LRRK1: variants seen among roughly 807,000 people sequenced by gnomAD.
The protein encoded by LRRK1 is leucine rich repeat kinase 1.
In LRRK1, 113 loss-of-function variants were observed where a neutral mutation model predicts 209.1. That is an observed-to-expected ratio of 0.54 (90% CI 0.46 to 0.63). LRRK1 has a LOEUF of 0.63. Among genes scored for constraint, LRRK1 ranks in the 30% least tolerant of loss-of-function variants. LRRK1 has a pLI of 0.00. For synonymous variants in LRRK1, 1,144 were observed against 1,099.7 expected (o/e 1.04, Z -0.80); for missense variants, 2,284 against 2,632.2 (o/e 0.87, Z 2.89).
chr15:101,040,094 T>C (rs1336858119), intron 20 of LRRK1, among the ~76,000 whole-genome samples: 1 of 152,172 alleles, frequency 6.6e-6, no homozygotes, highest in East Asian at 1.9e-4. Flanking sequence ...ATTGAAAAGA[T>C]TTTTTTCCTT....
chr15:101,046,242 G>A, intron 21 of LRRK1, 90 bp downstream of exon 21: 5 of 1,373,960 alleles, frequency 3.6e-6, no homozygotes, highest in Non-Finnish European at 5.0e-6. Flanking sequence ...TTGCTGGGGG[G>A]CCCTGCCTGG....
At chr15:100,954,053 C>A (rs570637685) in intron 2 of LRRK1, among the ~76,000 whole-genome samples, 10 of 152,122 alleles carry the variant, frequency 6.6e-5, no homozygotes, top group African/African-American at 2.4e-4. Context: ...GTACCTGGGT[C>A]TACAGGCACA....
intron 2 of LRRK1, among the ~76,000 whole-genome samples, chr15:100,937,844 C>T (rs1015147459): frequency 6.6e-6 from 1 of 151,140 alleles, no homozygotes; most frequent in African/African-American, 2.4e-5. Context: ...CTATTTATTT[C>T]TTTATTTATT....
In LRRK1 at chr15:101,071,732, A is replaced by T. The variant is rs1255184620; in HGVS notation, c.*2884A>T. 1 of 152,190 alleles carries T rather than the reference A, an allele frequency of 6.6e-6. No homozygotes were observed. The highest frequency in any genetic ancestry group is 1.5e-5 in the Non-Finnish European group (1 of 68,036). The allele number at this position is 152,190 out of a possible 1,614,324, so 9.4% of individuals were successfully genotyped here. On this transcript the variant is annotated 3_prime_UTR_variant, in exon 34 of 34. Transcript: ENST00000388948. ...AGCTCACTCCTCATAGGTAGAGTTG[A>T]CAATAAGCACACAAACAAGTGAGAT...
chr15:101,040,106 T>C (rs576221936), intron 20 of LRRK1, among the ~76,000 whole-genome samples: 34 of 152,304 alleles, frequency 2.2e-4, no homozygotes, highest in African/African-American at 7.9e-4. Flanking sequence ...TTTTTCCTTC[T>C]CTATTTTCTT....
chr15:100,988,075 C>T lies in LRRK1; in HGVS notation c.434-559C>T, dbSNP rs141509832. Among the ~76,000 whole-genome samples, 6 of 152,266 alleles carry T rather than the reference C, an allele frequency of 3.9e-5. No homozygotes were observed. In the East Asian group the frequency reaches 1.2e-3, roughly 29 times the overall value. On this transcript the variant is annotated intron_variant, in intron 4 of 33. Transcript: ENST00000388948. ...TCATATGCAATTCAGAGAGACTATT[C>T]CAGAAAACACTATCAACTCAACAGA...
chr15:101,049,952 C>G (rs1043317833), intron 23 of LRRK1, among the ~76,000 whole-genome samples, 169 bp downstream of exon 23: 4 of 152,120 alleles, frequency 2.6e-5, no homozygotes, highest in African/African-American at 9.7e-5. Flanking sequence ...AGAAGTCCAG[C>G]TCTGTCACTG....
chr15:101,074,965 T>G lies in LRRK1; in HGVS notation c.*6117T>G, dbSNP rs1309853897. On this transcript the variant is annotated 3_prime_UTR_variant, in exon 34 of 34. Transcript: ENST00000388948. ...AGCCCCTGGAACTCCGGCCCAAGGC[T>G]CTCTGACTGACTCCTTCCCAGATCT... 1 of 142,190 alleles carries G rather than the reference T, an allele frequency of 7.0e-6. No individual in the cohort carries two copies. Among genetic ancestry groups the G allele is most frequent in the African/African-American group, 3.0e-5 (1 of 33,206 alleles). 8.8% of individuals were successfully genotyped at this position (142,190 alleles called of 1,614,324 possible).
At chr15:100,966,235 G>C (rs868228781) in intron 2 of LRRK1, among the ~76,000 whole-genome samples, 1 of 152,176 alleles carries the variant, frequency 6.6e-6, no homozygotes, top group Non-Finnish European at 1.5e-5. Flanking sequence ...TCTAGGAAAA[G>C]GTGCAGAAGT....
chr15:100,973,780 G>A (rs1408966916), intron 2 of LRRK1, 24 bp from the exon 3 acceptor site: 3 of 1,271,434 alleles, frequency 2.4e-6, no homozygotes, highest in Non-Finnish European at 3.0e-6. Flanking sequence ...GTGACGCCGT[G>A]TGTGTGTGCT....
At chr15:100,981,764 A>G (rs987200373) in intron 3 of LRRK1, among the ~76,000 whole-genome samples, 2 of 152,222 alleles carry the variant, frequency 1.3e-5, no homozygotes, top group Non-Finnish European at 2.9e-5. Flanking sequence ...GGCCATGTGA[A>G]TAAAGTACTC....
intron 2 of LRRK1, among the ~76,000 whole-genome samples, chr15:100,936,400 G>A (rs933278297): frequency 6.6e-6 from 1 of 152,128 alleles, no homozygotes; most frequent in African/African-American, 2.4e-5. Flanking sequence ...TTCCCCCTGG[G>A]CTACCATCTA....
At chr15:100,960,403 A>T (rs2029875686) in intron 2 of LRRK1, among the ~76,000 whole-genome samples, 1 of 151,752 alleles carries the variant, frequency 6.6e-6, no homozygotes, top group Non-Finnish European at 1.5e-5. Context: ...AATCACAATC[A>T]TCTTCCCCAA....
chr15:101,077,368 G>A lies in LRRK1; in HGVS notation c.*8520G>A, dbSNP rs1308332589. ...CTTGTTTACACTGCCAGTTTACACT[G>A]TTTCTCCAAGCCATCACAGCTGATA... On this transcript the variant is annotated 3_prime_UTR_variant, in exon 34 of 34. Coordinates refer to ENST00000388948, the MANE Select transcript of LRRK1 (RefSeq NM_024652.6). 2.0e-5 allele frequency: 3 copies of A among 152,162 alleles called. No individual in the cohort carries two copies. The highest frequency in any genetic ancestry group is 4.4e-5 in the Non-Finnish European group (3 of 68,044). 9.4% of individuals were successfully genotyped at this position (152,162 alleles called of 1,614,324 possible). A position where few individuals can be genotyped will look rare whatever the true frequency, so the allele number is the denominator to read the frequency against.
intron 6 of LRRK1, among the ~76,000 whole-genome samples, chr15:100,992,944 A>G (rs1758097702): frequency 6.6e-6 from 1 of 152,196 alleles, no homozygotes; most frequent in Non-Finnish European, 1.5e-5. Flanking sequence ...TACAGGCATG[A>G]GCCACCGTGC....
At chr15:101,052,076 C>A in intron 24 of LRRK1, 116 bp downstream of exon 24, 1 of 1,183,024 alleles carries the variant, frequency 8.5e-7, no homozygotes, top group Non-Finnish European at 1.2e-6. Context: ...GTGCCCCGGC[C>A]ATGGCTTCCC....
At position 101,021,087 on chromosome 15, in the gene LRRK1, G is replaced by A. The variant is rs2033761582; in HGVS notation, c.1644G>A (p.Glu548=). Residue 548 remains glutamate, a synonymous_variant, in exon 13 of 34, where the codon GAG becomes GAA. Transcript: ENST00000388948. ...TGGAATTTCCGGCCTTCCTAAGTGAGTCTTTGGAAGTCCTTTGCCTGAACG... is the reference window on the plus strand; with the variant it reads ...TGGAATTTCCGGCCTTCCTAAGTGAATCTTTGGAAGTCCTTTGCCTGAACG... ...SVLEFPAFLS[E]SLEVLCLNDN... 1 of 1,614,140 alleles carries A rather than the reference G, an allele frequency of 6.2e-7. No individual in the cohort carries two copies. The highest frequency in any genetic ancestry group is 8.5e-7 in the Non-Finnish European group (1 of 1,179,962).
rs1335332740 is a variant in LRRK1, at chr15:101,058,136, G to T, written c.4674G>T (p.Glu1558Asp). 1.2e-6 allele frequency: 2 copies of T among 1,614,094 alleles called. No homozygotes were observed. Among genetic ancestry groups the T allele is most frequent in the South Asian group, 2.2e-5 (2 of 91,070 alleles). ...TGGTGTTTTGGGATGGAAAAGAGGA[G>T]TCCAGGTAAGCTCCTGCGGGCTGCC... ...YTVVFWDGKE[E>D]SRNYTVVNTE... The change falls in exon 29 of 34, where the codon GAG (glutamate) becomes GAT (aspartate). Residue 1558 changes from glutamate (E) to aspartate (D), a missense_variant. By Grantham distance (45) the Glu-to-Asp change is conservative. Transcript: ENST00000388948.
At chr15:100,944,702 A>T (rs535497440) in intron 2 of LRRK1, among the ~76,000 whole-genome samples, 1 of 152,278 alleles carries the variant, frequency 6.6e-6, no homozygotes, top group Admixed American at 6.5e-5. Flanking sequence ...CTGTTGTTTG[A>T]ACTTGAGGGT....
Sources: allele counts gnomAD v4.1 joint callset (sites outside exome capture counted in the v4.1 genomes callset), GRCh38; gene constraint gnomAD v4.1.1; transcripts MANE v1.5; gene names NCBI Gene and HGNC (gene_info 2026-07-23, HGNC 2026-07-21).